AK2: variants seen among roughly 807,000 people sequenced by gnomAD.
The protein encoded by AK2 is adenylate kinase 2, mitochondrial.
In AK2, 15 loss-of-function variants were observed where a neutral mutation model predicts 24.6. The observed-to-expected ratio is 0.61, with a 90% CI of 0.41 to 0.94. The LOEUF is 0.94. Ranked by LOEUF, AK2 falls within the 40% of genes least tolerant of loss-of-function variation. AK2 has a pLI of 0.00. For missense variants in AK2, 257 were observed against 304.1 expected (o/e 0.85, Z 1.15); for synonymous variants, 102 against 114.0 (o/e 0.90, Z 0.67).
intron 4 of AK2, among the ~76,000 whole-genome samples, chr1:33,019,223 T>C (rs1484965209): frequency 6.6e-6 from 1 of 152,174 alleles, no homozygotes; most frequent in African/African-American, 2.4e-5. Context: ...AAGTTTCATA[T>C]ATGACTCTCT....
At chr1:33,024,880 T>C (rs1639775666) in intron 1 of AK2, among the ~76,000 whole-genome samples, 1 of 152,180 alleles carries the variant, frequency 6.6e-6, no homozygotes, top group South Asian at 2.1e-4. Flanking sequence ...TAAGTTTCAG[T>C]TTCCCCATTA....
At chr1:33,033,927 G>A (rs763175911) in intron 1 of AK2, among the ~76,000 whole-genome samples, 1 of 151,784 alleles carries the variant, frequency 6.6e-6, no homozygotes, top group Non-Finnish European at 1.5e-5. Context: ...AGGCTGGGGC[G>A]CAATGGTGAG....
chr1:33,032,498 A>G (rs565907461), intron 1 of AK2: 1 of 152,376 alleles, frequency 6.6e-6, no homozygotes, highest in African/African-American at 2.4e-5. Flanking sequence ...ATCACGGGGT[A>G]ACGAAACAGT....
At chr1:33,031,417 T>C (rs1640226374) in intron 1 of AK2, 3 of 342,112 alleles carry the variant, frequency 8.8e-6, no homozygotes, top group African/African-American at 4.3e-5. Flanking sequence ...CCTAGTGTTA[T>C]AGGATTAAAT....
intron 4 of AK2, chr1:33,019,660 T>C: frequency 9.9e-7 from 1 of 1,005,658 alleles, no homozygotes; most frequent in South Asian, 4.1e-5. Flanking sequence ...TTGTCTCTTC[T>C]TGAAGGTATG....
At chr1:33,021,915 C>A (rs574244971) in intron 2 of AK2, among the ~76,000 whole-genome samples, 53 of 152,006 alleles carry the variant, frequency 3.5e-4, no homozygotes, top group Non-Finnish European at 6.8e-4. Context: ...TTGCCAAATA[C>A]ACACTCTCGT....
intron 2 of AK2, among the ~76,000 whole-genome samples, chr1:33,023,819 A>G (rs771187373): frequency 6.6e-6 from 1 of 152,226 alleles, no homozygotes; most frequent in Non-Finnish European, 1.5e-5. Context: ...GAAAAACTTC[A>G]AGAATACTAT....
chr1:33,024,662 T>C, intron 1 of AK2, 95 bp from the exon 2 acceptor site: 1 of 1,520,118 alleles, frequency 6.6e-7, no homozygotes, highest in Non-Finnish European at 9.1e-7. Flanking sequence ...ACTTACTGGC[T>C]ATGTAAACAT....
At chr1:33,024,626 T>C in intron 1 of AK2, 59 bp from the exon 2 acceptor site, 8 of 1,609,708 alleles carry the variant, frequency 5.0e-6, no homozygotes, top group Non-Finnish European at 5.9e-6. Context: ...GGAGTCAGAC[T>C]GCCTAGGTGT....
intron 1 of AK2, among the ~76,000 whole-genome samples, chr1:33,029,763 C>T (rs1640122727): frequency 6.6e-6 from 1 of 152,162 alleles, no homozygotes; most frequent in Non-Finnish European, 1.5e-5. Flanking sequence ...ACTATAGCCC[C>T]AAACTCCTGT....
chr1:33,013,035 C>T lies in AK2; in HGVS notation c.*146G>A, dbSNP rs183996331. On this transcript the variant is annotated 3_prime_UTR_variant, in exon 6 of 6. Transcript: ENST00000672715. ...TACACACAGATGAGAGTAGCACACA[C>T]GCCAAAGATACATCAAGCAAGTGCT... 1.4e-4 allele frequency: 231 copies of T among 1,598,320 alleles called. 2 individuals are homozygous for T. The South Asian group carries it at 2.1e-3, about 15-fold the overall frequency.
intron 2 of AK2, 134 bp from the exon 3 acceptor site, chr1:33,021,837 G>A: frequency 1.4e-6 from 1 of 715,542 alleles, no homozygotes; most frequent in Admixed American, 2.4e-5. Flanking sequence ...ACCCAAAGAA[G>A]CAAAAATAAA....
Position 33,010,490 on chromosome 1 carries a change from A to T in AK2, c.*2691T>A. 1.6e-6 allele frequency: 1 copy of T among 629,954 alleles called. No homozygotes were observed. Among genetic ancestry groups the T allele is most frequent in the Non-Finnish European group, 2.9e-6 (1 of 344,656 alleles). The allele number at this position is 629,954 out of a possible 1,614,324, so 39.0% of individuals were successfully genotyped here. On this transcript the variant is annotated 3_prime_UTR_variant, in exon 6 of 6. Coordinates refer to ENST00000672715, the MANE Select transcript of AK2 (RefSeq NM_001625.4). ...GTTCTGAGATAAAAGCTGAGGTCTT[A>T]GAGCACTGGCTTTAAAAAATATTTT...
At chr1:33,021,178 C>T (rs576062529) in intron 4 of AK2, among the ~76,000 whole-genome samples, 189 bp downstream of exon 4, 16 of 152,132 alleles carry the variant, frequency 1.1e-4, no homozygotes, top group South Asian at 2.1e-4. Flanking sequence ...GAGATGCTGT[C>T]TGACTTCAAA....
chr1:33,029,211 A>C (rs1045639133), intron 1 of AK2: 1 of 152,128 alleles, frequency 6.6e-6, no homozygotes, highest in Admixed American at 6.6e-5. Context: ...TGTAACCATC[A>C]TCTTCTTCTT....
intron 1 of AK2, among the ~76,000 whole-genome samples, chr1:33,024,968 C>T (rs145247052): frequency 1.3e-5 from 2 of 152,176 alleles, no homozygotes; most frequent in East Asian, 1.9e-4. Flanking sequence ...GGGCGGATCA[C>T]GAGGTCAGAA....
At chr1:33,032,437 T>C (rs943048364) in intron 1 of AK2, 1 of 152,216 alleles carries the variant, frequency 6.6e-6, no homozygotes, top group Admixed American at 6.5e-5. Flanking sequence ...TTTTGAAAGC[T>C]GACAAAGAGA....
rs1442400769 is a variant in AK2, at chr1:33,012,429, T to C, written c.*752A>G. On this transcript the variant is annotated 3_prime_UTR_variant, in exon 6 of 6. Transcript: ENST00000672715. ...TTAGAAAACAAAATGGAATTCTCTG[T>C]CCATAATGTGCCATCAGGAACTGTG... is the stretch of plus-strand genomic sequence containing the variant. 6.8e-7 allele frequency: 1 copy of C among 1,470,150 alleles called. No individual in the cohort carries two copies. Among genetic ancestry groups the C allele is most frequent in the Non-Finnish European group, 9.0e-7 (1 of 1,107,264 alleles). 91.1% of individuals were successfully genotyped at this position (1,470,150 alleles called of 1,614,324 possible). A position where few individuals can be genotyped will look rare whatever the true frequency, so the allele number is the denominator to read the frequency against.
chr1:33,033,682 T>C (rs1236411118), intron 1 of AK2, among the ~76,000 whole-genome samples: 1 of 152,196 alleles, frequency 6.6e-6, no homozygotes, highest in Non-Finnish European at 1.5e-5. Flanking sequence ...GGAGGTGCTT[T>C]ATAATAATTT....
Sources: gnomAD v4.1 joint callset for allele counts (sites outside exome capture counted in the v4.1 genomes callset) on GRCh38, gnomAD v4.1.1 for gene constraint, MANE v1.5 for transcripts, NCBI Gene and HGNC (gene_info 2026-07-23, HGNC 2026-07-21) for gene names.